Variants in CT45A1 observed in about 807,000 individuals in gnomAD.
CT45A1 encodes cancer/testis antigen family 45 member A1.
At chrX:135,717,874 A>G (rs1402746785) in intron 1 of CT45A1, among the ~76,000 whole-genome samples, 5 of 111,817 alleles carry the variant, frequency 4.5e-5, no homozygotes, top group Non-Finnish European at 9.4e-5. Context: ...TCTGTGAATG[A>G]CAGTTTTATT....
At chrX:135,718,150 G>C (rs782050274) in intron 1 of CT45A1, among the ~76,000 whole-genome samples, 1 of 112,074 alleles carries the variant, frequency 8.9e-6, no homozygotes, top group African/African-American at 3.2e-5. Context: ...AAATGATCAT[G>C]TGGTGTTTCC....
intron 1 of CT45A1, among the ~76,000 whole-genome samples, chrX:135,715,109 A>G (rs1174710959): frequency 5.9e-5 from 6 of 102,363 alleles, no homozygotes; most frequent in Non-Finnish European, 1.2e-4. Flanking sequence ...AGATGAACAG[A>G]TTCTCTTAAT....
chrX:135,715,234 TTATATATATAATACTTATA>T (rs2087969687), intron 1 of CT45A1, among the ~76,000 whole-genome samples: 1 of 70,290 alleles, frequency 1.4e-5, no homozygotes, highest in African/African-American at 5.2e-5. Flanking sequence ...TATATAATAC[TTATATATATAATACTTATA>T]TATATATAAT....
chrX:135,712,678 G>A (rs1347132790), upstream of CT45A1, among the ~76,000 whole-genome samples: 15 of 109,674 alleles, frequency 1.4e-4, no homozygotes, highest in African/African-American at 2.7e-4. Context: ...CTACAGGTGC[G>A]CGCCCCACGC....
upstream of CT45A1, among the ~76,000 whole-genome samples, chrX:135,712,672 A>T (rs1556569911): frequency 9.1e-6 from 1 of 110,122 alleles, no homozygotes; most frequent in Non-Finnish European, 1.9e-5. Flanking sequence ...TTGGGACTAC[A>T]GGTGCGCGCC....
intron 1 of CT45A1, among the ~76,000 whole-genome samples, chrX:135,717,542 C>T (rs1359113855): frequency 2.0e-5 from 2 of 100,390 alleles, no homozygotes; most frequent in Admixed American, 1.1e-4. Context: ...GAGGGAGGCT[C>T]CGACTCAAAA....
chrX:135,718,434 A>G (rs181751375), intron 1 of CT45A1, among the ~76,000 whole-genome samples: 5 of 110,497 alleles, frequency 4.5e-5, no homozygotes, highest in Non-Finnish European at 7.6e-5. Context: ...ATCTTCTAAT[A>G]AGAGTTCCTA....
chrX:135,716,719 TA>T, intron 1 of CT45A1, among the ~76,000 whole-genome samples: 1 of 111,747 alleles, frequency 8.9e-6, no homozygotes, highest in South Asian at 3.8e-4. Flanking sequence ...TTATCCTCAT[TA>T]AAAACATCTT....
chrX:135,713,856 G>T (rs1356966401), intron 1 of CT45A1, among the ~76,000 whole-genome samples, 166 bp downstream of exon 1: 1 of 110,955 alleles, frequency 9.0e-6, no homozygotes, highest in Non-Finnish European at 1.9e-5. Context: ...ACACCGCCAT[G>T]GGCGCCTGTG....
chrX:135,715,266 T>TTA (rs1468234320), intron 1 of CT45A1, among the ~76,000 whole-genome samples: 1 of 78,866 alleles, frequency 1.3e-5, no homozygotes, highest in African/African-American at 5.9e-5. Context: ...TATATAATAC[T>TTA]TATATATATA....
chrX:135,715,434 T>TTATATATAATACTTA (rs1199056889), intron 1 of CT45A1, among the ~76,000 whole-genome samples: 4 of 80,971 alleles, frequency 4.9e-5, no homozygotes, highest in East Asian at 3.5e-4. Flanking sequence ...TATATAATAC[T>TTATATATAATACTTA]TATATATAAT....
chrX:135,714,224 T>C (rs1556570592), intron 1 of CT45A1, among the ~76,000 whole-genome samples: 2 of 109,650 alleles, frequency 1.8e-5, no homozygotes, highest in African/African-American at 6.7e-5. Flanking sequence ...ATGTCGTCCG[T>C]GAGGCACATT....
intron 1 of CT45A1, among the ~76,000 whole-genome samples, chrX:135,713,989 C>T (rs1259629610): frequency 9.5e-6 from 1 of 105,371 alleles, no homozygotes; most frequent in Non-Finnish European, 2.0e-5. Context: ...ATGACCTGAG[C>T]CCGGGGGTGG....
chrX:135,714,097 A>G (rs782115932), intron 1 of CT45A1, among the ~76,000 whole-genome samples: 4 of 105,708 alleles, frequency 3.8e-5, no homozygotes, highest in Admixed American at 2.0e-4. Context: ...TGGGGACTCT[A>G]TCTGTTCTCA....
chrX:135,711,457 C>T (rs782449629), upstream of CT45A1, among the ~76,000 whole-genome samples: 123 of 110,795 alleles, frequency 1.1e-3, no homozygotes, highest in African/African-American at 3.6e-3. Context: ...TATTTTAAGA[C>T]GGAGTCTCCC....
chrX:135,711,921 A>T (rs192537563), upstream of CT45A1, among the ~76,000 whole-genome samples: 485 of 109,884 alleles, frequency 4.4e-3, 2 homozygotes, highest in African/African-American at 0.015. Context: ...TCTCTACTAA[A>T]AATACAAAAA....
chrX:135,708,950 G>A (rs1354629377), upstream of CT45A1, among the ~76,000 whole-genome samples: 22 of 111,162 alleles, frequency 2.0e-4, no homozygotes, highest in Admixed American at 1.9e-3. Context: ...CTAAGGACTC[G>A]TTTAGGATAT....
At chrX:135,709,470 T>C (rs1379474196), upstream of CT45A1, among the ~76,000 whole-genome samples, 1 of 112,027 alleles carries the variant, frequency 8.9e-6, no homozygotes, top group Non-Finnish European at 1.9e-5. Flanking sequence ...GGTTTTGCCA[T>C]GTTGGCCAGC....
At chrX:135,715,318 TATA>T (rs1302967119) in intron 1 of CT45A1, among the ~76,000 whole-genome samples, 1 of 81,038 alleles carries the variant, frequency 1.2e-5, no homozygotes, top group Non-Finnish European at 2.2e-5. Flanking sequence ...AATACTTATA[TATA>T]ATACTTATAT....
Sources: allele counts gnomAD v4.1 joint callset (sites outside exome capture counted in the v4.1 genomes callset), GRCh38; gene constraint gnomAD v4.1.1; transcripts MANE v1.5; gene names NCBI Gene and HGNC (gene_info 2026-07-23, HGNC 2026-07-21).